Variants in SLC24A2 observed in about 807,000 individuals in gnomAD.
The protein encoded by SLC24A2 is solute carrier family 24 member 2, also known as sodium/potassium/calcium exchanger 2.
SLC24A2 carries 36 observed loss-of-function variants against 62.0 expected under a neutral mutation model. The observed-to-expected ratio is 0.58, with a 90% CI of 0.44 to 0.77. The LOEUF (loss-of-function observed/expected upper bound fraction) is 0.77. Ranked by LOEUF, SLC24A2 falls within the 30% of genes least tolerant of loss-of-function variation. SLC24A2 has a pLI of 0.00. For synonymous variants in SLC24A2, 358 were observed against 294.0 expected (o/e 1.22, Z -2.23); for missense variants, 846 against 817.9 (o/e 1.03, Z -0.42).
intron 7 of SLC24A2, among the ~76,000 whole-genome samples, chr9:19,557,674 G>A (rs1378198089): frequency 2.0e-5 from 3 of 152,054 alleles, no homozygotes; most frequent in Non-Finnish European, 4.4e-5. Flanking sequence ...GAATATTGGT[G>A]TCTGAGTATG....
chr9:20,286,323 A>G, the SLC24A2 span, among the ~76,000 whole-genome samples: 1,506 of 152,310 alleles, frequency 9.9e-3, 33 homozygotes, highest in African/African-American at 0.033. Flanking sequence ...CAGCTCAGGG[A>G]GATGATGTGG....
the SLC24A2 span, among the ~76,000 whole-genome samples, chr9:20,230,617 T>C: frequency 3.3e-5 from 5 of 152,260 alleles, no homozygotes; most frequent in African/African-American, 1.2e-4. Context: ...GAGTTCATTG[T>C]AGATTCTGGA....
the SLC24A2 span, among the ~76,000 whole-genome samples, chr9:20,176,051 A>G: frequency 6.6e-6 from 1 of 152,024 alleles, no homozygotes; most frequent in Non-Finnish European, 1.5e-5. Flanking sequence ...AGAGGTACTG[A>G]CCAGTCTCAT....
chr9:20,152,449 T>C, the SLC24A2 span, among the ~76,000 whole-genome samples: 1 of 151,868 alleles, frequency 6.6e-6, no homozygotes, highest in Non-Finnish European at 1.5e-5. Context: ...ACAGACTGTG[T>C]AGTAAATGTG....
chr9:20,227,597 T>A, the SLC24A2 span, among the ~76,000 whole-genome samples: 1 of 149,736 alleles, frequency 6.7e-6, no homozygotes, highest in African/African-American at 2.4e-5. Context: ...GGCAACTACA[T>A]TTCTGTAATG....
At chr9:20,195,835 T>C in the SLC24A2 span, among the ~76,000 whole-genome samples, 2 of 116,362 alleles carry the variant, frequency 1.7e-5, no homozygotes, top group Non-Finnish European at 3.4e-5. Context: ...TTATACAAGA[T>C]TAAAAGAAAA....
At chr9:19,859,619 C>A in the SLC24A2 span, among the ~76,000 whole-genome samples, 1 of 152,174 alleles carries the variant, frequency 6.6e-6, no homozygotes, top group Non-Finnish European at 1.5e-5. Flanking sequence ...AATAAATCAC[C>A]TTGTAAGAAC....
chr9:19,833,290 C>T, the SLC24A2 span, among the ~76,000 whole-genome samples: 15 of 152,222 alleles, frequency 9.9e-5, no homozygotes, highest in East Asian at 3.9e-4. Context: ...TTACCTCACA[C>T]GTGACGTGCA....
At chr9:19,878,065 G>A in the SLC24A2 span, among the ~76,000 whole-genome samples, 6 of 152,152 alleles carry the variant, frequency 3.9e-5, no homozygotes, top group African/African-American at 1.4e-4. Flanking sequence ...CTGTGCAGAG[G>A]CATTTTGGGC....
chr9:19,733,472 G>T (rs1216693362), intron 2 of SLC24A2, among the ~76,000 whole-genome samples: 1 of 152,124 alleles, frequency 6.6e-6, no homozygotes, highest in Non-Finnish European at 1.5e-5. Flanking sequence ...ATGACAATCT[G>T]TGAAGGAAGC....
chr9:19,550,582 A>T (rs755240688), intron 7 of SLC24A2, among the ~76,000 whole-genome samples: 1 of 152,170 alleles, frequency 6.6e-6, no homozygotes. Context: ...ATAACAAACT[A>T]TATCTGTGGA....
the SLC24A2 span, among the ~76,000 whole-genome samples, chr9:20,019,498 G>A: frequency 6.6e-6 from 1 of 152,142 alleles, no homozygotes; most frequent in African/African-American, 2.4e-5. Context: ...GTAGATGTGT[G>A]GCGTTATTTC....
intron 2 of SLC24A2, among the ~76,000 whole-genome samples, chr9:19,757,059 G>A (rs994249336): frequency 1.3e-5 from 2 of 151,796 alleles, no homozygotes; most frequent in African/African-American, 4.8e-5. Flanking sequence ...ACAGGTGGGA[G>A]GCATTGTGCC....
the SLC24A2 span, among the ~76,000 whole-genome samples, chr9:20,117,546 T>C: frequency 1.3e-5 from 2 of 152,138 alleles, no homozygotes; most frequent in African/African-American, 4.8e-5. Flanking sequence ...CTAATATAAA[T>C]GCTTTTAAAA....
chr9:20,003,832 G>A, the SLC24A2 span, among the ~76,000 whole-genome samples: 67 of 151,714 alleles, frequency 4.4e-4, no homozygotes, highest in East Asian at 1.4e-3. Flanking sequence ...GCTTGCCAAT[G>A]CCTAGTACTA....
chr9:19,766,310 A>G (rs1012105902), intron 2 of SLC24A2, among the ~76,000 whole-genome samples: 1 of 152,050 alleles, frequency 6.6e-6, no homozygotes, highest in African/African-American at 2.4e-5. Context: ...AATTCGTCAA[A>G]CTCATTCTCT....
At chr9:19,925,112 C>A in the SLC24A2 span, among the ~76,000 whole-genome samples, 2 of 152,180 alleles carry the variant, frequency 1.3e-5, no homozygotes, top group Admixed American at 6.5e-5. Flanking sequence ...TTATCACTCC[C>A]AGAATAACTG....
chr9:20,134,056 C>T, the SLC24A2 span, among the ~76,000 whole-genome samples: 19 of 152,096 alleles, frequency 1.2e-4, no homozygotes, highest in African/African-American at 7.2e-5. Context: ...ACTAACCCAA[C>T]GATGTACACA....
At chr9:19,522,414 C>T (rs1424407328) in intron 9 of SLC24A2, among the ~76,000 whole-genome samples, 1 of 152,056 alleles carries the variant, frequency 6.6e-6, no homozygotes, top group Non-Finnish European at 1.5e-5. Context: ...TGATGTCCAG[C>T]ATTTTTTGAA....
Sources: gnomAD v4.1 joint callset for allele counts (sites outside exome capture counted in the v4.1 genomes callset) on GRCh38, gnomAD v4.1.1 for gene constraint, MANE v1.5 for transcripts, NCBI Gene and HGNC (gene_info 2026-07-23, HGNC 2026-07-21) for gene names.